Variants in LARGE1 observed in about 807,000 individuals in gnomAD.
LARGE1 encodes the protein LARGE xylosyl- and glucuronyltransferase 1.
Under a neutral mutation model 87.6 loss-of-function variants are expected in LARGE1, and 43 were observed. The observed-to-expected ratio is 0.49, with a 90% CI of 0.38 to 0.63. The LOEUF is 0.63. Ranked by LOEUF, LARGE1 falls within the 30% of genes least tolerant of loss-of-function variation. The probability of loss-of-function intolerance (pLI) is 0.00; values close to 1 mark genes in which losing one functional copy is unlikely to be tolerated. For synonymous variants in LARGE1, 434 were observed against 394.6 expected, an observed-to-expected ratio of 1.10 and a Z score of -1.18; for missense variants, 802 against 1,000.2, an observed-to-expected ratio of 0.80 and a Z score of 2.67.
chr22:33,348,818 T>G (rs1940071522), intron 9 of LARGE1, among the ~76,000 whole-genome samples: 1 of 152,088 alleles, frequency 6.6e-6, no homozygotes, highest in Non-Finnish European at 1.5e-5. Context: ...AATCTCATCT[T>G]GAATTGTAGT....
At chr22:33,523,826 T>C (rs1356004075) in intron 6 of LARGE1, among the ~76,000 whole-genome samples, 1 of 152,232 alleles carries the variant, frequency 6.6e-6, no homozygotes, top group Admixed American at 6.5e-5. Context: ...TTTCTGCCAA[T>C]GTTGGTATCT....
chr22:33,203,083 C>G (rs1000424125), intron 11 of LARGE1, among the ~76,000 whole-genome samples: 25 of 135,370 alleles, frequency 1.8e-4, no homozygotes, highest in African/African-American at 6.3e-4. Flanking sequence ...CTCTCTCTCT[C>G]TCTCTCTCTC....
At chr22:33,695,349 C>T (rs551457711) in intron 2 of LARGE1, among the ~76,000 whole-genome samples, 2 of 152,152 alleles carry the variant, frequency 1.3e-5, no homozygotes, top group Non-Finnish European at 2.9e-5. Context: ...AGTGATCCAT[C>T]CACCTTGGCC....
chr22:33,273,003 T>C lies in LARGE1; in HGVS notation c.*1424A>G, dbSNP rs190637411. 4.3e-5 allele frequency: 7 copies of C among 164,506 alleles called. No homozygotes were observed. Among genetic ancestry groups the C allele is most frequent in the African/African-American group, 1.7e-4 (7 of 42,096 alleles). 10.2% of individuals were successfully genotyped at this position (164,506 alleles called of 1,614,324 possible). A position where few individuals can be genotyped will look rare whatever the true frequency, so the allele number is the denominator to read the frequency against. ...GGGGGAACAGAAAGTGTGAAGTTGC[T>C]GTTTATCCACTGCAATTTAGCTCTC... On this transcript the variant is annotated 3_prime_UTR_variant, in exon 15 of 15. Coordinates refer to ENST00000397394, the MANE Select transcript of LARGE1 (RefSeq NM_133642.5).
At chr22:33,344,937 C>T (rs1386439822) in intron 9 of LARGE1, among the ~76,000 whole-genome samples, 8 of 152,144 alleles carry the variant, frequency 5.3e-5, no homozygotes, top group Non-Finnish European at 1.2e-4. Flanking sequence ...TATTGACAGG[C>T]TTTCACATCT....
At chr22:33,718,191 G>A (rs1003568455) in intron 2 of LARGE1, among the ~76,000 whole-genome samples, 2 of 152,138 alleles carry the variant, frequency 1.3e-5, no homozygotes, top group African/African-American at 4.8e-5. Context: ...TATGTCCAGA[G>A]AACAAACACC....
chr22:33,595,455 G>GAATGT (rs2078952789), intron 5 of LARGE1, among the ~76,000 whole-genome samples: 1 of 152,168 alleles, frequency 6.6e-6, no homozygotes, highest in Non-Finnish European at 1.5e-5. Flanking sequence ...GAACCACAGA[G>GAATGT]AATGTCTCTG....
chr22:33,167,189 G>T (rs1244443422), intron 11 of LARGE1, among the ~76,000 whole-genome samples: 5 of 152,106 alleles, frequency 3.3e-5, no homozygotes, highest in Non-Finnish European at 5.9e-5. Flanking sequence ...GAAGCCTCTT[G>T]CCACTTGAAA....
chr22:33,100,681 G>A, the LARGE1 span, among the ~76,000 whole-genome samples: 1 of 152,130 alleles, frequency 6.6e-6, no homozygotes, highest in Non-Finnish European at 1.5e-5. Flanking sequence ...GATTCATTAG[G>A]TGCAGATTCA....
chr22:33,874,649 A>G (rs762634900), intron 1 of LARGE1, among the ~76,000 whole-genome samples: 2 of 152,194 alleles, frequency 1.3e-5, no homozygotes, highest in Non-Finnish European at 2.9e-5. Flanking sequence ...CGATCACTGG[A>G]AAGTGTGGAG....
chr22:33,882,527 G>A (rs1215127697), intron 1 of LARGE1, among the ~76,000 whole-genome samples: 3 of 152,174 alleles, frequency 2.0e-5, no homozygotes, highest in Admixed American at 6.5e-5. Flanking sequence ...GGGGGGCATT[G>A]TTAAAGCTTA....
chr22:33,862,467 A>C (rs2063959387), intron 1 of LARGE1, among the ~76,000 whole-genome samples: 1 of 152,210 alleles, frequency 6.6e-6, no homozygotes, highest in African/African-American at 2.4e-5. Flanking sequence ...CCTGGCCTTG[A>C]TCAACACTAC....
intron 11 of LARGE1, among the ~76,000 whole-genome samples, chr22:33,191,008 T>C (rs73395906): frequency 0.032 from 4,818 of 152,322 alleles, 257 homozygotes; most frequent in African/African-American, 0.11. Flanking sequence ...ATTGTAATTT[T>C]TCTTTTTAAA....
chr22:33,700,867 T>C (rs983885986), intron 2 of LARGE1, among the ~76,000 whole-genome samples: 3 of 152,232 alleles, frequency 2.0e-5, no homozygotes, highest in African/African-American at 7.2e-5. Flanking sequence ...GTAGGAAAGG[T>C]TGACAAGGCA....
intron 1 of LARGE1, among the ~76,000 whole-genome samples, chr22:33,841,914 T>C (rs1037930828): frequency 1.3e-5 from 2 of 152,112 alleles, no homozygotes; most frequent in East Asian, 1.9e-4. Flanking sequence ...CCAAAAATAG[T>C]GGCAAATTAT....
At chr22:33,632,209 G>A (rs1485111017) in intron 3 of LARGE1, among the ~76,000 whole-genome samples, 2 of 152,070 alleles carry the variant, frequency 1.3e-5, no homozygotes, top group African/African-American at 4.8e-5. Flanking sequence ...TCCAACCTCC[G>A]TGTCCCAGGT....
rs1049937312 is a variant in LARGE1, at chr22:33,606,579, C to G, written c.492-2021G>C. Among the ~76,000 whole-genome samples the G allele has an allele frequency of 2.6e-5, 4 of 152,096 alleles. No homozygotes were observed. The South Asian group carries it at 8.3e-4, about 32-fold the overall frequency. ...ACATACAGACCATCTCTCAGTTTCC[C>G]GCCCCCTACCCCGTGCTCTCTCTCC... On this transcript the variant is annotated intron_variant, in intron 4 of 14. Transcript: ENST00000397394.
chr22:33,256,104 T>A (rs1927248210), intron 11 of LARGE1, among the ~76,000 whole-genome samples: 1 of 152,216 alleles, frequency 6.6e-6, no homozygotes, highest in Admixed American at 6.5e-5. Flanking sequence ...AGCAGGGAAC[T>A]GTCAGCAAGA....
chr22:33,135,146 C>T, the LARGE1 span, among the ~76,000 whole-genome samples: 1 of 152,168 alleles, frequency 6.6e-6, no homozygotes, highest in Non-Finnish European at 1.5e-5. Context: ...AGACACTACC[C>T]ACTGTAGAAC....
Sources: allele counts gnomAD v4.1 joint callset (sites outside exome capture counted in the v4.1 genomes callset), GRCh38; gene constraint gnomAD v4.1.1; transcripts MANE v1.5; gene names NCBI Gene and HGNC (gene_info 2026-07-23, HGNC 2026-07-21).